Variants in WRNIP1 observed in about 807,000 individuals in gnomAD.
WRNIP1 encodes WRN helicase interacting protein 1.
WRNIP1 carries 41 observed loss-of-function variants against 56.1 expected under a neutral mutation model. The ratio of observed to expected loss-of-function variants is 0.73; its 90% CI spans 0.57 to 0.95. WRNIP1 has a LOEUF of 0.95. Among genes scored for constraint, WRNIP1 ranks in the 40% least tolerant of loss-of-function variants. The pLI, the probability that WRNIP1 is intolerant of heterozygous loss-of-function variation, is 0.00. For missense variants in WRNIP1, 1,170 were observed against 939.4 expected (o/e 1.25, Z -3.21); for synonymous variants, 547 against 398.1 (o/e 1.37, Z -4.45).
intron 3 of WRNIP1, among the ~76,000 whole-genome samples, chr6:2,776,845 T>TA (rs1765444737): frequency 6.6e-6 from 1 of 152,222 alleles, no homozygotes; most frequent in Admixed American, 6.5e-5. Flanking sequence ...AAGGGATACA[T>TA]ACCAAAATAC....
chr6:2,769,857 C>T (rs1765200600), intron 2 of WRNIP1, among the ~76,000 whole-genome samples: 1 of 152,144 alleles, frequency 6.6e-6, no homozygotes, highest in South Asian at 2.1e-4. Context: ...TGAAACTAAG[C>T]TAGAATTCTA....
At position 2,782,662 on chromosome 6, in the gene WRNIP1, C is replaced by T. The variant is rs537183361; in HGVS notation, c.1487-744C>T. On this transcript the variant is annotated intron_variant, in intron 4 of 6. Transcript: ENST00000380773. ...GAGAATAGTGAAATGTATGCAGGTG[C>T]CACTGCTTAGTTCCTGAGAACTGTT... is the stretch of plus-strand genomic sequence containing the variant. Among the ~76,000 whole-genome samples the T allele has an allele frequency of 1.9e-4, 29 of 152,340 alleles. No individual in the cohort carries two copies. In the South Asian group the frequency reaches 6.0e-3, roughly 32 times the overall value.
intron 4 of WRNIP1, among the ~76,000 whole-genome samples, chr6:2,783,099 C>T (rs970247577): frequency 1.3e-5 from 2 of 152,124 alleles, no homozygotes; most frequent in Admixed American, 6.5e-5. Flanking sequence ...ACTCTTGTCT[C>T]TGGCAAATCC....
intron 4 of WRNIP1, among the ~76,000 whole-genome samples, chr6:2,780,084 TAGCAATATTAA>T (rs1765521187): frequency 1.3e-5 from 2 of 152,206 alleles, no homozygotes; most frequent in East Asian, 1.9e-4. Context: ...ATCTGTGACT[TAGCAATATTAA>T]ATGTCATTAG....
intron 1 of WRNIP1, 109 bp downstream of exon 1, chr6:2,766,553 T>A (rs1765005042): frequency 7.1e-7 from 1 of 1,404,992 alleles, no homozygotes; most frequent in Non-Finnish European, 9.3e-7. Context: ...CTGCCTCTCC[T>A]GGATAAGGGG....
At position 2,770,277 on chromosome 6, in the gene WRNIP1, G is replaced by A. The variant is rs373026289; in HGVS notation, c.1172G>A (p.Arg391Gln). The A allele has an allele frequency of 1.5e-4, 244 of 1,614,114 alleles. 2 individuals are homozygous for A. The South Asian group carries it at 2.0e-3, about 13-fold the overall frequency. ...PVEAMVTILMRAINSLGIHVL... is the reference protein window; with the variant it reads ...PVEAMVTILMQAINSLGIHVL... Reference sequence around the variant, plus strand: ...GAGGCAATGGTGACTATTTTAATGCGAGCGATCAACTCCCTGGGAATCCAC... The same window carrying A: ...GAGGCAATGGTGACTATTTTAATGCAAGCGATCAACTCCCTGGGAATCCAC... Residue 391 changes from arginine to glutamine, a missense_variant, in exon 3 of 7, where the codon CGA (arginine) becomes CAA (glutamine). Transcript: ENST00000380773.
intron 1 of WRNIP1, 129 bp downstream of exon 1, chr6:2,766,573 TGG>T: frequency 7.2e-7 from 1 of 1,382,248 alleles, no homozygotes; most frequent in Non-Finnish European, 9.4e-7. Context: ...GGTGCAGACT[TGG>T]GCTGGGCTGG....
Position 2,779,461 on chromosome 6 carries a change from A to G in WRNIP1, c.1455A>G (p.Leu485=), listed in dbSNP as rs747999352. The G allele has an allele frequency of 2.5e-6, 4 of 1,614,052 alleles. 1 individual carries two copies. The South Asian group carries it at 3.3e-5, about 13-fold the overall frequency. ...LITENDVKEG[L]QRSHILYDRA... Reference sequence around the variant, plus strand: ...CAGAGAATGACGTGAAGGAGGGCCTACAGCGATCCCACATTTTATATGACC... The same window carrying G: ...CAGAGAATGACGTGAAGGAGGGCCTGCAGCGATCCCACATTTTATATGACC... The change falls in exon 4 of 7, where the codon CTA becomes CTG. Residue 485 remains leucine, a synonymous_variant. Coordinates refer to ENST00000380773, the MANE Select transcript of WRNIP1 (RefSeq NM_020135.3).
In WRNIP1 at chr6:2,785,255, A is replaced by G; in HGVS notation, c.1971A>G (p.Val657=). The G allele has an allele frequency of 1.9e-6, 3 of 1,614,050 alleles. No individual in the cohort carries two copies. The highest frequency in any genetic ancestry group is 2.5e-6 in the Non-Finnish European group (3 of 1,180,000). ...QEYLPEELRG[V]DFFKQRRC ...ACCTGCCTGAAGAGTTGAGGGGGGT[A>G]GATTTCTTCAAGCAGAGGAGGTGCT... The change falls in exon 7 of 7, where the codon GTA becomes GTG. Residue 657 remains valine (V), a synonymous_variant. Coordinates refer to ENST00000380773, the MANE Select transcript of WRNIP1 (RefSeq NM_020135.3).
chr6:2,766,484 C>T (rs765803917), intron 1 of WRNIP1, 40 bp downstream of exon 1: 14 of 1,461,038 alleles, frequency 9.6e-6, no homozygotes, highest in South Asian at 5.5e-5. Context: ...GTAGTTATCT[C>T]GGCGGTGGAT....
At chr6:2,767,626 C>T (rs1261448202) in intron 1 of WRNIP1, among the ~76,000 whole-genome samples, 1 of 152,216 alleles carries the variant, frequency 6.6e-6, no homozygotes, top group Non-Finnish European at 1.5e-5. Context: ...TAGTTGTTAA[C>T]CCCATTTAAG....
At position 2,766,418 on chromosome 6, in the gene WRNIP1, C is replaced by T. The variant is rs552957042; in HGVS notation, c.796C>T (p.Leu266=). The T allele has an allele frequency of 2.6e-5, 42 of 1,592,208 alleles. No individual in the cohort carries two copies. Among genetic ancestry groups the T allele is most frequent in the Admixed American group, 2.6e-4 (15 of 58,546 alleles). ...LETNEIPSLI[L]WGPPGCGKTT... is the part of the protein sequence containing the mutation. ...GACCAACGAAATCCCCTCGCTTATCCTGTGGGGGCCGCCGGGCTGCGGCAA... is the reference window on the plus strand; with the variant it reads ...GACCAACGAAATCCCCTCGCTTATCTTGTGGGGGCCGCCGGGCTGCGGCAA... Residue 266 remains leucine (L), a synonymous_variant, in exon 1 of 7, where the codon CTG becomes TTG. Transcript: ENST00000380773.
At chr6:2,779,130 A>G in intron 3 of WRNIP1, 133 bp from the exon 4 acceptor site, 1 of 897,850 alleles carries the variant, frequency 1.1e-6, no homozygotes, top group Non-Finnish European at 1.7e-6. Flanking sequence ...GCACATTGAC[A>G]AAGGTGAGAA....
At chr6:2,784,858 T>A in intron 6 of WRNIP1, 149 bp from the exon 7 acceptor site, 1 of 968,174 alleles carries the variant, frequency 1.0e-6, no homozygotes, top group Non-Finnish European at 1.5e-6. Context: ...CTGTCGTAGG[T>A]GGTTATCCAG....
chr6:2,774,058 C>T lies in WRNIP1; in HGVS notation c.1256+3697C>T, dbSNP rs570419510. 3.8e-5 allele frequency: 37 copies of T among 985,288 alleles called. No homozygotes were observed. The South Asian group carries it at 1.1e-3, about 30-fold the overall frequency. The allele number at this position is 985,288 out of a possible 1,614,324, so 61.0% of individuals were successfully genotyped here. ...AAGTGTCTTAAATAACCTTTTGTGC[C>T]ATTGAATAGAAAGAAAGGTAGTGGA... is the stretch of plus-strand genomic sequence containing the variant. On this transcript the variant is annotated intron_variant, in intron 3 of 6. Coordinates refer to ENST00000380773, the MANE Select transcript of WRNIP1 (RefSeq NM_020135.3).
chr6:2,781,626 AGT>A (rs1765563232), intron 4 of WRNIP1, among the ~76,000 whole-genome samples: 2 of 152,210 alleles, frequency 1.3e-5, no homozygotes, highest in African/African-American at 4.8e-5. Context: ...TCTGCATCAG[AGT>A]GAAGGAATTT....
intron 5 of WRNIP1, 25 bp downstream of exon 5, chr6:2,783,586 A>G: frequency 7.7e-7 from 1 of 1,299,532 alleles, no homozygotes; most frequent in Non-Finnish European, 1.0e-6. Flanking sequence ...AGGGTCCCGG[A>G]GTCCTATGTC....
intron 3 of WRNIP1, chr6:2,773,196 T>C (rs1027744080): frequency 2.0e-6 from 2 of 985,242 alleles, no homozygotes; most frequent in Admixed American, 1.2e-4. Flanking sequence ...TAAAAAAAAA[T>C]TCCCTCCTGT....
At chr6:2,784,262 C>G in intron 5 of WRNIP1, 62 bp from the exon 6 acceptor site, 2 of 1,537,374 alleles carry the variant, frequency 1.3e-6, no homozygotes, top group Non-Finnish European at 1.8e-6. Context: ...GTCGCCTGCA[C>G]ATAGGCCAGG....
Sources: gnomAD v4.1 joint callset for allele counts (sites outside exome capture counted in the v4.1 genomes callset) on GRCh38, gnomAD v4.1.1 for gene constraint, MANE v1.5 for transcripts, NCBI Gene and HGNC (gene_info 2026-07-23, HGNC 2026-07-21) for gene names.